Variants in PTPN20 observed in about 807,000 individuals in gnomAD.
PTPN20 encodes the protein tyrosine-protein phosphatase non-receptor type 20.
In PTPN20, 9 loss-of-function variants were observed where a neutral mutation model predicts 35.0. The ratio of observed to expected loss-of-function variants is 0.26; its 90% confidence interval spans 0.15 to 0.45. PTPN20 has a LOEUF of 0.45. PTPN20 is among the 20% of genes least tolerant of loss of function. The probability of loss-of-function intolerance (pLI) is 1.00; values close to 1 mark genes in which losing one functional copy is unlikely to be tolerated. For synonymous variants in PTPN20, 32 were observed against 100.2 expected (o/e 0.32, Z 4.06); for missense variants, 111 against 312.5 (o/e 0.36, Z 4.86).
At chr10:46,932,291 T>C (rs2039932832) in intron 1 of PTPN20, 86 bp from the exon 2 acceptor site, 1 of 1,481,104 alleles carries the variant, frequency 6.8e-7, no homozygotes. Context: ...TTTTAAATAT[T>C]TTGAATTGAT....
At chr10:46,968,540 G>C (rs1230227663) in intron 7 of PTPN20, among the ~76,000 whole-genome samples, 1 of 152,208 alleles carries the variant, frequency 6.6e-6, no homozygotes, top group Non-Finnish European at 1.5e-5. Context: ...TGTTGGATGG[G>C]AGGGTAGTGG....
chr10:46,987,911 A>G, intron 9 of PTPN20, among the ~76,000 whole-genome samples: 1 of 138,794 alleles, frequency 7.2e-6, no homozygotes, highest in Non-Finnish European at 1.6e-5. Context: ...ATAAGTGACA[A>G]GCACATAAGA....
intron 2 of PTPN20, among the ~76,000 whole-genome samples, chr10:46,938,111 C>T (rs1283932169): frequency 1.3e-5 from 2 of 151,944 alleles, no homozygotes; most frequent in African/African-American, 4.8e-5. Flanking sequence ...CCACCATGCC[C>T]AGCTAATTTT....
In PTPN20 at chr10:46,953,395, C is replaced by CTTTG. The variant is rs1341999684; in HGVS notation, c.340+6723_340+6724insGTTT. 8.1e-4 allele frequency among the ~76,000 whole-genome samples: 81 copies of CTTTG among 100,170 alleles called. 10 individuals are homozygous for CTTTG. Among genetic ancestry groups the CTTTG allele is most frequent in the African/African-American group, 3.5e-3 (76 of 21,880 alleles). 65.7% of individuals were successfully genotyped at this position (100,170 alleles called of 152,430 possible). A position where few individuals can be genotyped will look rare whatever the true frequency, so the allele number is the denominator to read the frequency against. On this transcript the variant is annotated intron_variant, in intron 5 of 10. Coordinates refer to ENST00000374339, the MANE Select transcript of PTPN20 (RefSeq NM_001042357.5). ...TCTTTCTTTCTTTCTTTCTTTCTTT[C>CTTTG]TTTTTTTTTGACTTACTAACTTATT...
At chr10:46,996,568 G>A (rs1483924886) in intron 9 of PTPN20, among the ~76,000 whole-genome samples, 2 of 152,126 alleles carry the variant, frequency 1.3e-5, no homozygotes, top group Non-Finnish European at 2.9e-5. Context: ...TCACTTAGCT[G>A]AGGGCCTGAA....
chr10:46,951,025 ATTT>A (rs1383513790), intron 5 of PTPN20, among the ~76,000 whole-genome samples: 4 of 147,078 alleles, frequency 2.7e-5, no homozygotes, highest in African/African-American at 1.1e-4. Context: ...ATTTACATGT[ATTT>A]CCTAAGTACT....
At chr10:46,957,575 A>G (rs1234187876) in intron 5 of PTPN20, among the ~76,000 whole-genome samples, 5 of 152,198 alleles carry the variant, frequency 3.3e-5, no homozygotes, top group South Asian at 4.1e-4. Context: ...AAGAAAAAGT[A>G]CAAAAATTAG....
chr10:46,999,870 C>T, intron 9 of PTPN20, 42 bp from the exon 10 acceptor site: 6 of 1,607,258 alleles, frequency 3.7e-6, no homozygotes, highest in Non-Finnish European at 4.3e-6. Flanking sequence ...TTGTGTTTTT[C>T]CCCCATGTGG....
intron 7 of PTPN20, among the ~76,000 whole-genome samples, chr10:46,983,307 A>G (rs1343634841): frequency 1.3e-5 from 2 of 151,410 alleles, no homozygotes; most frequent in African/African-American, 4.9e-5. Context: ...ATTTGAGAAG[A>G]GTTCTGCCAG....
rs1247257924 is a variant in PTPN20 at position 46,929,414 on chromosome 10, G to A, written c.-123-2963G>A. Among the ~76,000 whole-genome samples the A allele has an allele frequency of 4.6e-5, 7 of 150,878 alleles. No homozygotes were observed. In the East Asian group the frequency reaches 9.8e-4, roughly 21 times the overall value. The stretch of plus-strand genomic sequence containing the variant: ...AGTTGGAGGGAAACCTTTATCTTAC[G>A]AACCTGACCACTGGTCCCTCAATAT... On this transcript the variant is annotated intron_variant, in intron 1 of 10. Coordinates refer to ENST00000374339, the MANE Select transcript of PTPN20 (RefSeq NM_001042357.5).
intron 1 of PTPN20, among the ~76,000 whole-genome samples, chr10:46,927,951 A>G (rs1259561646): frequency 6.6e-6 from 1 of 151,760 alleles, no homozygotes; most frequent in African/African-American, 2.4e-5. Flanking sequence ...GGAATATGCC[A>G]AAGCAATTTA....
intron 1 of PTPN20, among the ~76,000 whole-genome samples, chr10:46,931,690 A>C (rs1451600321): frequency 2.8e-5 from 4 of 143,554 alleles, no homozygotes; most frequent in Non-Finnish European, 5.9e-5. Context: ...CCTAGTCTTA[A>C]ATAATTTTTT....
intron 10 of PTPN20, 94 bp downstream of exon 10, chr10:47,000,068 T>C: frequency 6.5e-7 from 1 of 1,541,108 alleles, no homozygotes; most frequent in African/African-American, 1.4e-5. Flanking sequence ...TTTATTGACA[T>C]AATCTCATTG....
chr10:46,939,251 G>C, intron 2 of PTPN20, among the ~76,000 whole-genome samples: 1 of 128,264 alleles, frequency 7.8e-6, no homozygotes, highest in Non-Finnish European at 1.6e-5. Context: ...CACTATTTAG[G>C]CTTTCTACAT....
downstream of PTPN20, among the ~76,000 whole-genome samples, chr10:47,003,125 G>A (rs935374938): frequency 8.9e-4 from 135 of 152,040 alleles, no homozygotes; most frequent in Middle Eastern, 3.4e-3. Flanking sequence ...TTGCTCACTG[G>A]AACACTCATT....
At chr10:46,944,711 A>G (rs2044187836) in intron 4 of PTPN20, among the ~76,000 whole-genome samples, 1 of 140,770 alleles carries the variant, frequency 7.1e-6, no homozygotes, top group Non-Finnish European at 1.5e-5. Flanking sequence ...AGTGCATTAA[A>G]CAAATAATAG....
chr10:46,963,395 GAT>G (rs1302044826), intron 5 of PTPN20, among the ~76,000 whole-genome samples: 1,046 of 29,388 alleles, frequency 0.036, no homozygotes, highest in East Asian at 0.12. Context: ...TAATGATAAA[GAT>G]ATATATATAT....
At chr10:46,976,641 C>T (rs2136187405) in intron 7 of PTPN20, among the ~76,000 whole-genome samples, 1 of 140,246 alleles carries the variant, frequency 7.1e-6, no homozygotes, top group East Asian at 2.0e-4. Flanking sequence ...ACCAGGTATG[C>T]TTCATTTCCA....
intron 7 of PTPN20, among the ~76,000 whole-genome samples, chr10:46,968,422 A>G (rs1299728487): frequency 6.7e-6 from 1 of 150,176 alleles, no homozygotes; most frequent in Non-Finnish European, 1.5e-5. Context: ...GACACGCGAA[A>G]AAAGAGCTAT....
Sources: gnomAD v4.1 joint callset for allele counts (sites outside exome capture counted in the v4.1 genomes callset) on GRCh38, gnomAD v4.1.1 for gene constraint, MANE v1.5 for transcripts, NCBI Gene and HGNC (gene_info 2026-07-23, HGNC 2026-07-21) for gene names.